LRMDA: variants seen among roughly 807,000 people sequenced by gnomAD.
The protein encoded by LRMDA is leucine rich melanocyte differentiation associated, also known as leucine-rich melanocyte differentiation-associated protein.
A neutral mutation model predicts 29.8 loss-of-function variants in LRMDA; 18 were observed. The ratio of observed to expected loss-of-function variants is 0.60; its 90% CI spans 0.42 to 0.90. The LOEUF (loss-of-function observed/expected upper bound fraction) is 0.90. Ranked by LOEUF, LRMDA falls within the 40% of genes least tolerant of loss-of-function variation. The pLI is 0.00. For missense variants in LRMDA, 273 were observed against 273.9 expected (o/e 1.00, Z 0.02); for synonymous variants, 125 against 109.4 (o/e 1.14, Z -0.89).
At chr10:76,538,585 A>G (rs750427521) in intron 6 of LRMDA, among the ~76,000 whole-genome samples, 38 of 148,730 alleles carry the variant, frequency 2.6e-4, no homozygotes, top group Non-Finnish European at 4.0e-4. Flanking sequence ...TATACAGTAT[A>G]TCCTGGGAAT....
At chr10:76,043,934 G>C (rs1865634) in intron 3 of LRMDA, among the ~76,000 whole-genome samples, 66,049 of 151,854 alleles carry the variant, frequency 0.43, 14,904 homozygotes, top group Non-Finnish European at 0.46. Context: ...TTTGGTCCGG[G>C]CTTTCCATCT....
At chr10:76,522,694 A>C (rs1843133008) in intron 6 of LRMDA, among the ~76,000 whole-genome samples, 1 of 152,174 alleles carries the variant, frequency 6.6e-6, no homozygotes, top group East Asian at 1.9e-4. Context: ...CACAAGCCGA[A>C]TAAAACTCCT....
At chr10:76,022,572 G>A (rs1469550258) in intron 2 of LRMDA, among the ~76,000 whole-genome samples, 1 of 152,154 alleles carries the variant, frequency 6.6e-6, no homozygotes, top group East Asian at 1.9e-4. Flanking sequence ...TAGCCTCAGG[G>A]CCCAGAGTGC....
intron 6 of LRMDA, among the ~76,000 whole-genome samples, chr10:76,543,400 C>T (rs917487751): frequency 2.7e-5 from 4 of 150,628 alleles, no homozygotes; most frequent in Admixed American, 2.0e-4. Flanking sequence ...CAGACAGTTT[C>T]TTATATTGTC....
At chr10:76,518,100 A>G (rs1168360376) in intron 6 of LRMDA, among the ~76,000 whole-genome samples, 2 of 151,914 alleles carry the variant, frequency 1.3e-5, no homozygotes, top group Admixed American at 6.6e-5. Flanking sequence ...ACATTGTCCT[A>G]TTAGATGAAA....
intron 2 of LRMDA, among the ~76,000 whole-genome samples, chr10:75,625,006 C>T (rs896724372): frequency 3.3e-5 from 5 of 152,130 alleles, no homozygotes; most frequent in South Asian, 2.1e-4. Flanking sequence ...TTCAGACAGT[C>T]GGATTCAGGG....
rs142366382 is a variant in LRMDA at position 75,514,600 on chromosome 10, G to A, written c.131+76106G>A. Among the ~76,000 whole-genome samples, 214 of 152,212 alleles carry A rather than the reference G, an allele frequency of 1.4e-3. 1 individual carries two copies. Among genetic ancestry groups the A allele is most frequent in the African/African-American group, 4.7e-3 (196 of 41,528 alleles). ...TCATGAATGGCTTGATACTGTCCTTGTGGTTATGAGTGAGTTCTTGCTCTA... is the reference window on the plus strand; with the variant it reads ...TCATGAATGGCTTGATACTGTCCTTATGGTTATGAGTGAGTTCTTGCTCTA... On this transcript the variant is annotated intron_variant, in intron 2 of 6. Transcript: ENST00000611255.
At chr10:75,638,341 C>G (rs1443786732) in intron 2 of LRMDA, among the ~76,000 whole-genome samples, 2 of 152,166 alleles carry the variant, frequency 1.3e-5, no homozygotes, top group Non-Finnish European at 2.9e-5. Context: ...GTTTCCTTCT[C>G]AAGCGGCTTT....
At chr10:75,853,787 C>T (rs541723971) in intron 2 of LRMDA, among the ~76,000 whole-genome samples, 2 of 152,326 alleles carry the variant, frequency 1.3e-5, no homozygotes, top group East Asian at 3.9e-4. Context: ...GATGAGAGGA[C>T]ATCTTAATCC....
At chr10:76,057,470 T>C (rs1848635839) in intron 4 of LRMDA, among the ~76,000 whole-genome samples, 1 of 152,200 alleles carries the variant, frequency 6.6e-6, no homozygotes, top group Admixed American at 6.5e-5. Flanking sequence ...TGTCCCTGCC[T>C]TCAAGAAGCT....
chr10:75,935,447 A>T (rs572098354), intron 2 of LRMDA, among the ~76,000 whole-genome samples: 1 of 152,316 alleles, frequency 6.6e-6, no homozygotes, highest in South Asian at 2.1e-4. Context: ...TTAGAAGGGA[A>T]AGGCTGTTTG....
intron 2 of LRMDA, among the ~76,000 whole-genome samples, chr10:75,461,908 G>C (rs1392053002): frequency 6.6e-6 from 1 of 152,246 alleles, no homozygotes; most frequent in African/African-American, 2.4e-5. Flanking sequence ...TAGTGAAGGA[G>C]GCAGAGCAAG....
At chr10:75,777,013 C>T (rs1290568025) in intron 2 of LRMDA, among the ~76,000 whole-genome samples, 1 of 152,236 alleles carries the variant, frequency 6.6e-6, no homozygotes, top group Admixed American at 6.5e-5. Context: ...GGCTGCAGAG[C>T]CGGGGAGGGA....
intron 2 of LRMDA, among the ~76,000 whole-genome samples, chr10:75,869,459 T>C (rs1360735038): frequency 6.6e-6 from 1 of 152,234 alleles, no homozygotes; most frequent in Non-Finnish European, 1.5e-5. Context: ...GCTCGTCTTA[T>C]CTTTCCATCC....
chr10:76,470,822 A>T (rs1244670079), intron 6 of LRMDA, among the ~76,000 whole-genome samples: 1 of 151,742 alleles, frequency 6.6e-6, no homozygotes, highest in Non-Finnish European at 1.5e-5. Flanking sequence ...TGCTTTTGGG[A>T]AAATAAAAAT....
intron 2 of LRMDA, among the ~76,000 whole-genome samples, chr10:75,747,466 C>T (rs1278877140): frequency 2.0e-5 from 3 of 152,020 alleles, no homozygotes; most frequent in Non-Finnish European, 2.9e-5. Flanking sequence ...TTATGAAATA[C>T]GATAGGGACC....
At chr10:75,872,177 T>A (rs1283504688) in intron 2 of LRMDA, among the ~76,000 whole-genome samples, 1 of 152,236 alleles carries the variant, frequency 6.6e-6, no homozygotes, top group South Asian at 2.1e-4. Flanking sequence ...TTCTTTATAT[T>A]TCCCCACAGA....
rs117698278 is a variant in LRMDA, at chr10:75,889,539, G to A, written c.132-146469G>A. ...ATTTTTTTTCCAGGATCAAACTTTG[G>A]TATTAAATCATGCTTAAAGATGGAG... is the stretch of plus-strand genomic sequence containing the variant. On this transcript the variant is annotated intron_variant, in intron 2 of 6. Transcript: ENST00000611255. 9.2e-5 allele frequency among the ~76,000 whole-genome samples: 14 copies of A among 152,232 alleles called. No homozygotes were observed. The East Asian group carries it at 2.7e-3, about 29-fold the overall frequency.
chr10:76,145,592 G>T (rs1230528222), intron 5 of LRMDA, among the ~76,000 whole-genome samples: 6 of 151,828 alleles, frequency 4.0e-5, no homozygotes, highest in East Asian at 1.9e-4. Context: ...TTCTTCTTTA[G>T]TAGTCTTGCT....
Sources: gnomAD v4.1 joint callset for allele counts (sites outside exome capture counted in the v4.1 genomes callset) on GRCh38, gnomAD v4.1.1 for gene constraint, MANE v1.5 for transcripts, NCBI Gene and HGNC (gene_info 2026-07-23, HGNC 2026-07-21) for gene names.